Variants in PNPLA8 observed in about 807,000 individuals in gnomAD.
The protein encoded by PNPLA8 is patatin like domain 8, phospholipase A2.
Under a neutral mutation model 76.9 loss-of-function variants are expected in PNPLA8, and 39 were observed. The observed-to-expected ratio is 0.51, with a 90% CI of 0.39 to 0.66. The LOEUF is 0.66. Ranked by LOEUF, PNPLA8 falls within the 30% of genes least tolerant of loss-of-function variation. The pLI is 0.00. For missense variants in PNPLA8, 887 were observed against 918.0 expected, an observed-to-expected ratio of 0.97 and a Z score of 0.44; for synonymous variants, 301 against 307.9, an observed-to-expected ratio of 0.98 and a Z score of 0.24.
At chr7:108,475,899 T>C (rs546557225) in intron 10 of PNPLA8, among the ~76,000 whole-genome samples, 93 of 152,296 alleles carry the variant, frequency 6.1e-4, no homozygotes, top group African/African-American at 2.2e-3. Context: ...TAAGAGGAAA[T>C]ATCTGGTCCC....
rs1859597681 is a variant in PNPLA8 at position 108,471,053 on chromosome 7, G to A, written c.*1348C>T. On this transcript the variant is annotated 3_prime_UTR_variant, in exon 11 of 11. Transcript: ENST00000257694. The stretch of plus-strand genomic sequence containing the variant: ...CTAACCTTTGTTTCATTTTTCTTAA[G>A]AAATCAAAACATTCCATGTAAGGAT... The A allele has an allele frequency of 6.6e-6, 1 of 152,064 alleles. No homozygotes were observed. The highest frequency in any genetic ancestry group is 2.4e-5 in the African/African-American group (1 of 41,388). 9.4% of individuals were successfully genotyped at this position (152,064 alleles called of 1,614,324 possible).
intron 1 of PNPLA8, among the ~76,000 whole-genome samples, chr7:108,522,325 AC>A (rs368692025): frequency 6.9e-4 from 105 of 151,538 alleles, no homozygotes; most frequent in African/African-American, 2.5e-3. Context: ...AAAAAAAAAA[AC>A]ATTTACAATC....
At position 108,482,382 on chromosome 7, in the gene PNPLA8, G is replaced by A. The variant is rs374797601; in HGVS notation, c.1879-3003C>T. On this transcript the variant is annotated intron_variant, in intron 9 of 10. Coordinates refer to ENST00000257694, the MANE Select transcript of PNPLA8 (RefSeq NM_001256007.3). The stretch of plus-strand genomic sequence containing the variant: ...AGCTACTCAGGAGGCTGAGGCAAGA[G>A]AATCACCTGAACCAGGGAGGCAGAG... Among the ~76,000 whole-genome samples the A allele has an allele frequency of 9.2e-5, 14 of 152,304 alleles. No individual in the cohort carries two copies. In the East Asian group the frequency reaches 2.1e-3, roughly 23 times the overall value.
At chr7:108,503,651 G>A (rs1038117164) in intron 4 of PNPLA8, among the ~76,000 whole-genome samples, 4 of 152,166 alleles carry the variant, frequency 2.6e-5, no homozygotes, top group Non-Finnish European at 4.4e-5. Context: ...ACAGAGAGCT[G>A]CTGAAGCAAC....
In PNPLA8 at chr7:108,472,467, T is replaced by A. The variant is rs1259909355; in HGVS notation, c.2283A>T (p.Lys761Asn). The A allele has an allele frequency of 6.3e-7, 1 of 1,599,316 alleles. No individual in the cohort carries two copies. Among genetic ancestry groups the A allele is most frequent in the Non-Finnish European group, 8.5e-7 (1 of 1,172,250 alleles). ...TTTTTAATTTTATCCAATCATTAAT[T>A]TTCTGCAGAGTTGTTTTTTCTTGAC... ...ILSQEKTTLQKINDWIKLKTD... is the reference protein window; with the variant it reads ...ILSQEKTTLQNINDWIKLKTD... Residue 761 changes from lysine (K) to asparagine (N), a missense_variant, in exon 11 of 11, where the codon AAA becomes AAT. Coordinates refer to ENST00000257694, the MANE Select transcript of PNPLA8 (RefSeq NM_001256007.3).
chr7:108,485,950 CATTT>C (rs1860709310), intron 9 of PNPLA8, among the ~76,000 whole-genome samples: 2 of 151,968 alleles, frequency 1.3e-5, no homozygotes, highest in African/African-American at 4.8e-5. Context: ...TTATAAATAA[CATTT>C]ATTTATTCAA....
intron 4 of PNPLA8, among the ~76,000 whole-genome samples, chr7:108,512,762 C>T (rs1023054201): frequency 5.3e-5 from 8 of 152,124 alleles, no homozygotes; most frequent in African/African-American, 1.7e-4. Flanking sequence ...TTTTTTCAGA[C>T]TACCTAGATT....
rs1396177899 is a variant in PNPLA8 at position 108,472,363 on chromosome 7, A to C, written c.*38T>G. ...CTTATTGAATGTGGTTGATCTTCTA[A>C]ACAGACCTTCATTTATGAGAACATA... On this transcript the variant is annotated 3_prime_UTR_variant, in exon 11 of 11. Transcript: ENST00000257694. 4.2e-6 allele frequency: 6 copies of C among 1,426,550 alleles called. 1 individual carries two copies. The East Asian group carries it at 1.4e-4, about 33-fold the overall frequency. 88.4% of individuals were successfully genotyped at this position (1,426,550 alleles called of 1,614,324 possible).
rs1373990632 is a variant in PNPLA8, at chr7:108,496,652, A to G, written c.1557T>C (p.Ile519=). The G allele has an allele frequency of 6.2e-7, 1 of 1,612,796 alleles. No homozygotes were observed. The highest frequency in any genetic ancestry group is 1.1e-5 in the South Asian group (1 of 90,940). ...LGSDVFSQNV[I]VGTVKMSWSH... ...TCCAACTCATTTTTACTGTTCCAAC[A>G]ATGACATTTTGTGAAAATACATCTG... Residue 519 remains isoleucine, a synonymous_variant, in exon 7 of 11, where the codon ATT becomes ATC. Transcript: ENST00000257694.
chr7:108,505,448 C>T (rs528446054), intron 4 of PNPLA8, among the ~76,000 whole-genome samples: 69 of 145,108 alleles, frequency 4.8e-4, no homozygotes, highest in African/African-American at 1.6e-3. Flanking sequence ...CCGCAACCTC[C>T]GCCTCCCAGG....
intron 9 of PNPLA8, among the ~76,000 whole-genome samples, chr7:108,486,036 G>A (rs1334131962): frequency 6.6e-6 from 1 of 152,020 alleles, no homozygotes; most frequent in African/African-American, 2.4e-5. Context: ...ATATAAAAAT[G>A]TCTAAGCGTG....
At chr7:108,491,533 T>C in intron 7 of PNPLA8, 66 bp from the exon 8 acceptor site, 1 of 972,672 alleles carries the variant, frequency 1.0e-6, no homozygotes, top group Non-Finnish European at 1.7e-6. Flanking sequence ...CCAGGAAACA[T>C]ACAGTATGCA....
chr7:108,474,020 T>C (rs890697923), intron 10 of PNPLA8, among the ~76,000 whole-genome samples: 2 of 152,170 alleles, frequency 1.3e-5, no homozygotes, highest in African/African-American at 4.8e-5. Flanking sequence ...TACATACATA[T>C]GTTATATGAG....
At chr7:108,525,622 C>T (rs1195384207) in intron 1 of PNPLA8, among the ~76,000 whole-genome samples, 1 of 152,226 alleles carries the variant, frequency 6.6e-6, no homozygotes, top group Admixed American at 6.5e-5. Context: ...ACCAGGTGCA[C>T]ACTGACAGTC....
intron 2 of PNPLA8, 22 bp from the exon 3 acceptor site, chr7:108,515,596 T>C: frequency 8.0e-7 from 1 of 1,246,764 alleles, no homozygotes; most frequent in Middle Eastern, 2.9e-4. Context: ...AGAAAAAAAA[T>C]TAGAATTCAA....
At position 108,510,432 on chromosome 7, in the gene PNPLA8, A is replaced by G. The variant is rs979508929; in HGVS notation, c.1206+3712T>C. ...GAATATAGGCAGATGTACAGAACTG[A>G]AATTCGAATGGCGAGGATGGCAAGA... On this transcript the variant is annotated intron_variant, in intron 4 of 10. Transcript: ENST00000257694. 18 of 1,489,838 alleles carry G rather than the reference A, an allele frequency of 1.2e-5. No individual in the cohort carries two copies. The African/African-American group carries it at 2.2e-4, about 18-fold the overall frequency. The allele number at this position is 1,489,838 out of a possible 1,614,324, so 92.3% of individuals were successfully genotyped here. A position where few individuals can be genotyped will look rare whatever the true frequency, so the allele number is the denominator to read the frequency against.
chr7:108,514,768 C>T lies in PNPLA8; in HGVS notation c.724G>A (p.Glu242Lys), dbSNP rs1383143510. Reference protein sequence around the residue: ...DKSELEDKKVEEGKLRSPDPG... With the variant: ...DKSELEDKKVKEGKLRSPDPG... ...TCTGGAGATCTTAATTTCCCCTCTT[C>T]TACCTTTTTATCTTCAAGTTCTGAT... Residue 242 changes from glutamate to lysine, a missense_variant, in exon 3 of 11, where the codon GAA (glutamate) becomes AAA (lysine). By Grantham distance (56) the Glu-to-Lys change is moderately conservative. Coordinates refer to ENST00000257694, the MANE Select transcript of PNPLA8 (RefSeq NM_001256007.3). 2 of 1,613,336 alleles carry T rather than the reference C, an allele frequency of 1.2e-6. No individual in the cohort carries two copies. The highest frequency in any genetic ancestry group is 1.7e-6 in the Non-Finnish European group (2 of 1,179,440).
At chr7:108,493,768 C>T (rs1031336203) in intron 7 of PNPLA8, among the ~76,000 whole-genome samples, 1 of 150,788 alleles carries the variant, frequency 6.6e-6, no homozygotes, top group African/African-American at 2.4e-5. Flanking sequence ...ATGTAATTTC[C>T]ATCCAAATAC....
chr7:108,513,675 G>A (rs1193585414), intron 4 of PNPLA8, among the ~76,000 whole-genome samples: 1 of 151,854 alleles, frequency 6.6e-6, no homozygotes, highest in East Asian at 1.9e-4. Flanking sequence ...AAAAAACTGA[G>A]GCAAAGAAAA....
Sources: allele counts gnomAD v4.1 joint callset (sites outside exome capture counted in the v4.1 genomes callset), GRCh38; gene constraint gnomAD v4.1.1; transcripts MANE v1.5; gene names NCBI Gene and HGNC (gene_info 2026-07-23, HGNC 2026-07-21).